Variants in RELCH observed in about 807,000 individuals in gnomAD.
RELCH encodes RAB11 binding and LisH domain, coiled-coil and HEAT repeat containing.
In RELCH, 41 loss-of-function variants were observed where a neutral mutation model predicts 150.3. The observed-to-expected ratio is 0.27, with a 90% confidence interval of 0.21 to 0.35. The LOEUF (loss-of-function observed/expected upper bound fraction) is 0.35. RELCH is among the 10% of genes least tolerant of loss of function. RELCH has a pLI of 1.00. For missense variants in RELCH, 1,092 were observed against 1,467.8 expected (o/e 0.74, Z 4.18); for synonymous variants, 478 against 531.8 (o/e 0.90, Z 1.39).
Position 62,264,764 on chromosome 18 carries a change from A to G in RELCH, c.2543A>G (p.Asn848Ser). The change falls in exon 18 of 29, where the codon AAT (asparagine) becomes AGT (serine). Residue 848 changes from asparagine (N) to serine (S), a missense_variant. By Grantham distance (46) the Asn-to-Ser change is conservative. Around this residue, in one of 4 missense-constraint regions of RELCH, gnomAD observed 707 missense variants for 1,025.4 expected, o/e 0.69. Coordinates refer to ENST00000644646, the MANE Select transcript of RELCH (RefSeq NM_001346231.2). ...CTTATAGAAATAGTTGGCAAAATTA[A>G]TGTTACTTCAACTGCCTGTGTCCAT... The part of the protein sequence containing the change: ...PQLIEIVGKI[N>S]VTSTACVHEF... The G allele has an allele frequency of 6.2e-7, 1 of 1,602,204 alleles. No homozygotes were observed. The highest frequency in any genetic ancestry group is 8.5e-7 in the Non-Finnish European group (1 of 1,172,960).
At chr18:62,189,715 C>A (rs2038477949) in intron 1 of RELCH, among the ~76,000 whole-genome samples, 3 of 152,116 alleles carry the variant, frequency 2.0e-5, no homozygotes. Context: ...AGTGAAAATT[C>A]CTCCTTGCAA....
chr18:62,238,678 AC>A (rs902921214), intron 10 of RELCH, among the ~76,000 whole-genome samples: 81 of 152,042 alleles, frequency 5.3e-4, no homozygotes, highest in African/African-American at 2.0e-3. Flanking sequence ...ATGAGGAGAG[AC>A]TTAATGGAGA....
intron 1 of RELCH, among the ~76,000 whole-genome samples, chr18:62,210,200 GTT>G (rs1490437965): frequency 6.6e-6 from 1 of 151,982 alleles, no homozygotes; most frequent in African/African-American, 2.4e-5. Flanking sequence ...TAAATTTTTG[GTT>G]TTTCGCTATT....
At chr18:62,293,632 A>G (rs1183273739) in intron 27 of RELCH, among the ~76,000 whole-genome samples, 1 of 152,160 alleles carries the variant, frequency 6.6e-6, no homozygotes, top group Non-Finnish European at 1.5e-5. Flanking sequence ...ATTGACACAA[A>G]AGACTATGAC....
intron 10 of RELCH, 36 bp downstream of exon 10, chr18:62,232,463 C>T: frequency 8.0e-7 from 1 of 1,242,602 alleles, no homozygotes. Context: ...CCCAGTAATC[C>T]CATCATGTTG....
chr18:62,305,395 T>C lies in RELCH; in HGVS notation c.3531-19T>C. ...ATTTTTTTAATTGCTTTACATGAAT[T>C]TTAAATTTTCTTTCCTAGCTCAATG... On this transcript the variant is annotated intron_variant, in intron 28 of 28. Transcript: ENST00000644646. This position sits in a 1 kb window ranked among gnomAD's most constrained non-coding sequence, Gnocchi z 4.0. 1 of 1,576,838 alleles carries C rather than the reference T, an allele frequency of 6.3e-7. No homozygotes were observed. The highest frequency in any genetic ancestry group is 8.6e-7 in the Non-Finnish European group (1 of 1,167,322).
chr18:62,262,280 C>T (rs1431338519), intron 16 of RELCH, among the ~76,000 whole-genome samples: 1 of 151,980 alleles, frequency 6.6e-6, no homozygotes, highest in African/African-American at 2.4e-5. Flanking sequence ...CAATTGATAA[C>T]CCTGTTGCAC....
At chr18:62,201,921 T>C (rs1241738121) in intron 1 of RELCH, among the ~76,000 whole-genome samples, 1 of 152,182 alleles carries the variant, frequency 6.6e-6, no homozygotes, top group Admixed American at 6.5e-5. Context: ...TTTTCAATTA[T>C]AGTAAAAACA....
At chr18:62,285,691 G>T (rs974386793) in intron 25 of RELCH, 1 of 152,222 alleles carries the variant, frequency 6.6e-6, no homozygotes, top group African/African-American at 2.4e-5. Flanking sequence ...AGTGTTTGAG[G>T]CTGTGGTGCA....
chr18:62,279,856 TGTAA>T lies in RELCH; in HGVS notation c.3050+3_3050+6del. ...ATTACTCTCTCCAGTGACCCTGAAA[TGTAA>T]GTGTCATCCCTGCCTTTTATATTCG... is the stretch of plus-strand genomic sequence containing the variant. On this transcript the variant is annotated splice_donor_variant and splice_donor_region_variant and intron_variant, in intron 23 of 28. Transcript: ENST00000644646. LOFTEE classifies it high-confidence loss of function. 2.0e-6 allele frequency: 3 copies of T among 1,531,318 alleles called. No individual in the cohort carries two copies. The highest frequency in any genetic ancestry group is 2.6e-6 in the Non-Finnish European group (3 of 1,142,652). The allele number at this position is 1,531,318 out of a possible 1,614,324, so 94.9% of individuals were successfully genotyped here. A position where few individuals can be genotyped will look rare whatever the true frequency, so the allele number is the denominator to read the frequency against.
At chr18:62,253,701 T>G (rs2042848166) in intron 12 of RELCH, among the ~76,000 whole-genome samples, 2 of 152,244 alleles carry the variant, frequency 1.3e-5, no homozygotes, top group African/African-American at 4.8e-5. Context: ...CAAAATAAAG[T>G]AGAAACCCTA....
At chr18:62,295,722 C>G (rs1305984481) in intron 27 of RELCH, among the ~76,000 whole-genome samples, 1 of 152,050 alleles carries the variant, frequency 6.6e-6, no homozygotes, top group Admixed American at 6.5e-5. Context: ...CAGGCATGCA[C>G]CACCATGCCA....
rs533871315 is a variant in RELCH at position 62,289,987 on chromosome 18, A to G, written c.3371-1556A>G. Among the ~76,000 whole-genome samples the G allele has an allele frequency of 6.2e-4, 95 of 152,348 alleles. 1 individual carries two copies. Among genetic ancestry groups the G allele is most frequent in the South Asian group, 5.2e-3 (25 of 4,828 alleles). On this transcript the variant is annotated intron_variant, in intron 26 of 28. Coordinates refer to ENST00000644646, the MANE Select transcript of RELCH (RefSeq NM_001346231.2). ...TTTGGTGCCACTTATCCCCATATCT[A>G]GAAAGCAAGACTACATAATCATTAG...
chr18:62,232,780 C>A (rs1437458035), intron 10 of RELCH, among the ~76,000 whole-genome samples: 1 of 151,940 alleles, frequency 6.6e-6, no homozygotes, highest in Non-Finnish European at 1.5e-5. Flanking sequence ...CATATGTCAA[C>A]AGAAATGGAC....
At chr18:62,208,569 G>C (rs1162811500) in intron 1 of RELCH, among the ~76,000 whole-genome samples, 1 of 152,038 alleles carries the variant, frequency 6.6e-6, no homozygotes, top group Non-Finnish European at 1.5e-5. Context: ...GTAAAGTTGT[G>C]TTACGGGGAT....
At position 62,227,279 on chromosome 18, in the gene RELCH, T is replaced by A. The variant is rs767017738; in HGVS notation, c.859-10T>A. ...TCGAAGATTTTTTATGTTTTTTTTTTATCTTTTAGGATTTTGAATTATGGG... is the reference window on the plus strand; with the variant it reads ...TCGAAGATTTTTTATGTTTTTTTTTAATCTTTTAGGATTTTGAATTATGGG... On this transcript the variant is annotated splice_polypyrimidine_tract_variant and intron_variant, in intron 5 of 28. Coordinates refer to ENST00000644646, the MANE Select transcript of RELCH (RefSeq NM_001346231.2). 11 of 1,511,076 alleles carry A rather than the reference T, an allele frequency of 7.3e-6. No individual in the cohort carries two copies. The African/African-American group carries it at 9.9e-5, about 14-fold the overall frequency. The allele number at this position is 1,511,076 out of a possible 1,614,324, so 93.6% of individuals were successfully genotyped here.
intron 27 of RELCH, among the ~76,000 whole-genome samples, chr18:62,292,273 A>G (rs762279870): frequency 6.6e-6 from 1 of 152,182 alleles, no homozygotes; most frequent in African/African-American, 2.4e-5. Flanking sequence ...CTCATGACCA[A>G]GCTGCCACCC....
intron 1 of RELCH, among the ~76,000 whole-genome samples, chr18:62,189,175 G>T (rs1349885614): frequency 6.6e-6 from 1 of 150,732 alleles, no homozygotes; most frequent in Non-Finnish European, 1.5e-5. Flanking sequence ...TTCGGGAAAA[G>T]ATTTTCTCAT....
At chr18:62,253,916 TC>T (rs1430823958) in intron 12 of RELCH, among the ~76,000 whole-genome samples, 1 of 152,056 alleles carries the variant, frequency 6.6e-6, no homozygotes, top group South Asian at 2.1e-4. Context: ...TTATATTTTT[TC>T]CATTTTCTTT....
Sources: gnomAD v4.1 joint callset for allele counts (sites outside exome capture counted in the v4.1 genomes callset) on GRCh38, gnomAD v4.1.1 for gene constraint, gnomAD v4.1.1 regional missense constraint, Gnocchi (gnomAD v3.1) non-coding constraint, MANE v1.5 for transcripts, NCBI Gene and HGNC (gene_info 2026-07-23, HGNC 2026-07-21) for gene names.